The following SMU1 variants were observed in gnomAD, a reference collection of about 807,000 sequenced individuals.
SMU1 encodes the protein WD40 repeat-containing protein SMU1.
A neutral mutation model predicts 62.0 loss-of-function variants in SMU1; 2 were observed. The ratio of observed to expected loss-of-function variants is 0.03; its 90% CI spans 0.01 to 0.10. The LOEUF (loss-of-function observed/expected upper bound fraction) is 0.10. Among genes scored for constraint, SMU1 ranks in the 10% least tolerant of loss-of-function variants. The pLI is 1.00. For missense variants in SMU1, 227 were observed against 622.1 expected (o/e 0.36, Z 6.76); for synonymous variants, 188 against 212.4 (o/e 0.89, Z 1.00).
At position 33,074,559 on chromosome 9, in the gene SMU1, G is replaced by A. The variant is rs562540205; in HGVS notation, c.27-753C>T. 1.7e-4 allele frequency among the ~76,000 whole-genome samples: 26 copies of A among 152,196 alleles called. No individual in the cohort carries two copies. The South Asian group carries it at 2.7e-3, about 16-fold the overall frequency. On this transcript the variant is annotated intron_variant, in intron 1 of 11. Transcript: ENST00000397149. ...CATAAGGTTGAGGCTGCAGTGAGCC[G>A]TGATCATGCCACTGCACTCTAGCCT...
chr9:33,042,790 G>C lies in SMU1; in HGVS notation c.*4503C>G, dbSNP rs537018446. On this transcript the variant is annotated 3_prime_UTR_variant, in exon 12 of 12. Coordinates refer to ENST00000397149, the MANE Select transcript of SMU1 (RefSeq NM_018225.3). Reference sequence around the variant, plus strand: ...ACAGAATACCACTGTTAAAATTGCCGTGGAAGGTTAAATAATGGGCAGCCC... The same window carrying C: ...ACAGAATACCACTGTTAAAATTGCCCTGGAAGGTTAAATAATGGGCAGCCC... 1.3e-5 allele frequency: 2 copies of C among 152,364 alleles called. No homozygotes were observed. The highest frequency in any genetic ancestry group is 2.4e-5 in the African/African-American group (1 of 41,586). 9.4% of individuals were successfully genotyped at this position (152,364 alleles called of 1,614,324 possible).
At position 33,068,463 on chromosome 9, in the gene SMU1, T is replaced by A. The variant is rs376910493; in HGVS notation, c.501+361A>T. On this transcript the variant is annotated intron_variant, in intron 4 of 11. Transcript: ENST00000397149. ...TACAATTTCTTCAGCTAAGACATAG[T>A]TTATACATAGGAAATTAGGAAATTG... Among the ~76,000 whole-genome samples the A allele has an allele frequency of 3.9e-5, 6 of 152,098 alleles. No individual in the cohort carries two copies. In the East Asian group the frequency reaches 9.6e-4, roughly 24 times the overall value.
chr9:33,048,291 C>T (rs777158459), intron 10 of SMU1, 33 bp from the exon 11 acceptor site: 6 of 1,611,790 alleles, frequency 3.7e-6, no homozygotes, highest in South Asian at 2.2e-5. Flanking sequence ...AAAAAAACAT[C>T]AGGATTAGTA....
intron 5 of SMU1, 114 bp from the exon 6 acceptor site, chr9:33,060,698 A>G (rs778948772): frequency 5.8e-5 from 78 of 1,339,772 alleles, no homozygotes; most frequent in Non-Finnish European, 7.8e-5. Flanking sequence ...GCTGGCCCAT[A>G]TTATAGAGTA....
intron 10 of SMU1, among the ~76,000 whole-genome samples, chr9:33,048,504 T>C (rs1428424185): frequency 6.6e-6 from 1 of 152,210 alleles, no homozygotes; most frequent in Non-Finnish European, 1.5e-5. Flanking sequence ...TCACCAATCA[T>C]GCCCTAAAGA....
intron 9 of SMU1, among the ~76,000 whole-genome samples, chr9:33,054,348 C>T (rs138569427): frequency 6.6e-6 from 1 of 151,860 alleles, no homozygotes; most frequent in East Asian, 1.9e-4. Context: ...GAGACTCTAT[C>T]CTGAGATTTT....
At chr9:33,062,238 T>C (rs1839370959) in intron 4 of SMU1, 61 bp from the exon 5 acceptor site, 3 of 1,544,366 alleles carry the variant, frequency 1.9e-6, no homozygotes, top group Admixed American at 2.0e-5. Flanking sequence ...TGGTCATAAG[T>C]GCTCAGAAAC....
intron 11 of SMU1, 33 bp from the exon 12 acceptor site, chr9:33,047,424 C>G: frequency 6.3e-7 from 1 of 1,574,894 alleles, no homozygotes; most frequent in Non-Finnish European, 8.7e-7. Flanking sequence ...TTAGGATGTA[C>G]AGATCTGCAA....
chr9:33,048,016 G>A lies in SMU1; in HGVS notation c.1443+90C>T, dbSNP rs1471661703. 8.1e-5 allele frequency: 98 copies of A among 1,202,976 alleles called. 1 individual carries two copies. Among genetic ancestry groups the A allele is most frequent in the Middle Eastern group, 2.8e-4 (1 of 3,582 alleles). The allele number at this position is 1,202,976 out of a possible 1,614,324, so 74.5% of individuals were successfully genotyped here. A position where few individuals can be genotyped will look rare whatever the true frequency, so the allele number is the denominator to read the frequency against. ...CATATTTTATACTGAGGGTCACATCGATAGCTCTGGAAAAGGCACATACTT... is the reference window on the plus strand; with the variant it reads ...CATATTTTATACTGAGGGTCACATCAATAGCTCTGGAAAAGGCACATACTT... On this transcript the variant is annotated intron_variant, in intron 11 of 11. Coordinates refer to ENST00000397149, the MANE Select transcript of SMU1 (RefSeq NM_018225.3).
At chr9:33,062,214 G>A (rs776888840) in intron 4 of SMU1, 37 bp from the exon 5 acceptor site, 4 of 1,594,324 alleles carry the variant, frequency 2.5e-6, no homozygotes, top group Middle Eastern at 1.7e-4. Flanking sequence ...ATCTGTTCAG[G>A]TGCTTTTAAG....
intron 2 of SMU1, among the ~76,000 whole-genome samples, 179 bp from the exon 3 acceptor site, chr9:33,072,071 T>C (rs1839492840): frequency 6.6e-6 from 1 of 152,254 alleles, no homozygotes; most frequent in Non-Finnish European, 1.5e-5. Context: ...TGGTGGCTCA[T>C]GCCTATAATC....
chr9:33,047,449 G>A, intron 11 of SMU1, 58 bp from the exon 12 acceptor site: 1 of 1,380,352 alleles, frequency 7.2e-7, no homozygotes, highest in Non-Finnish European at 1.0e-6. Context: ...TCACTCTGAT[G>A]AGGCTTCCAG....
chr9:33,060,133 C>A (rs1839346581), intron 6 of SMU1, among the ~76,000 whole-genome samples: 1 of 152,104 alleles, frequency 6.6e-6, no homozygotes. Flanking sequence ...TTCAGCCTCC[C>A]AGGCAGCTAA....
chr9:33,065,634 T>G (rs1178832252), intron 4 of SMU1, among the ~76,000 whole-genome samples: 4 of 151,954 alleles, frequency 2.6e-5, no homozygotes, highest in African/African-American at 9.7e-5. Context: ...CTTGCAAAAC[T>G]CCAAAAAGGC....
rs189928023 is a variant in SMU1 at position 33,059,715 on chromosome 9, C to T, written c.750+750G>A. On this transcript the variant is annotated intron_variant, in intron 6 of 11. Coordinates refer to ENST00000397149, the MANE Select transcript of SMU1 (RefSeq NM_018225.3). Reference sequence around the variant, plus strand: ...CCACCTCCCACGTTCAAGCAATTTTCCTGCCTCAGTCTCCCGAGTAGCTGG... The same window carrying T: ...CCACCTCCCACGTTCAAGCAATTTTTCTGCCTCAGTCTCCCGAGTAGCTGG... Among the ~76,000 whole-genome samples the T allele has an allele frequency of 6.4e-3, 967 of 150,664 alleles. 11 individuals carry two copies. The highest frequency in any genetic ancestry group is 0.01 in the Admixed American group (152 of 15,188).
At chr9:33,061,598 T>A (rs1587709848) in intron 5 of SMU1, among the ~76,000 whole-genome samples, 1 of 152,122 alleles carries the variant, frequency 6.6e-6, no homozygotes, top group Non-Finnish European at 1.5e-5. Context: ...TAAAAAATTT[T>A]AAAAAACCAC....
At chr9:33,075,324 C>T (rs185112092) in intron 1 of SMU1, among the ~76,000 whole-genome samples, 2,835 of 151,894 alleles carry the variant, frequency 0.019, 49 homozygotes, top group Non-Finnish European at 0.027. Flanking sequence ...TTGCAGTGAG[C>T]GGAGATCGCG....
intron 10 of SMU1, among the ~76,000 whole-genome samples, chr9:33,052,557 A>C (rs1839262138): frequency 6.6e-6 from 1 of 152,168 alleles, no homozygotes; most frequent in Admixed American, 6.5e-5. Context: ...AAGATCCCCA[A>C]GTGTCCAGGC....
At chr9:33,055,826 G>T (rs950215342) in intron 9 of SMU1, among the ~76,000 whole-genome samples, 1 of 152,196 alleles carries the variant, frequency 6.6e-6, no homozygotes, top group Non-Finnish European at 1.5e-5. Context: ...ACCACCATGT[G>T]TATCTGTGAA....
Sources: gnomAD v4.1 joint callset for allele counts (sites outside exome capture counted in the v4.1 genomes callset) on GRCh38, gnomAD v4.1.1 for gene constraint, MANE v1.5 for transcripts, NCBI Gene and HGNC (gene_info 2026-07-23, HGNC 2026-07-21) for gene names.